TBCK: variants seen among roughly 807,000 people sequenced by gnomAD.
The protein encoded by TBCK is TBC1 domain containing kinase, also known as TBC domain-containing protein kinase-like protein.
In TBCK, 99 loss-of-function variants were observed where a neutral mutation model predicts 113.4. That is an observed-to-expected ratio of 0.87 (90% CI 0.74 to 1.03). The LOEUF is 1.03. Ranked by LOEUF, TBCK falls within the 50% of genes least tolerant of loss-of-function variation. The pLI is 0.00. For missense variants in TBCK, 1,045 were observed against 1,061.3 expected, an observed-to-expected ratio of 0.98 and a Z score of 0.21; for synonymous variants, 369 against 370.8, an observed-to-expected ratio of 1.00 and a Z score of 0.05.
At chr4:106,091,155 T>TG (rs1740179929) in intron 25 of TBCK, among the ~76,000 whole-genome samples, 1 of 152,212 alleles carries the variant, frequency 6.6e-6, no homozygotes, top group Admixed American at 6.5e-5. Flanking sequence ...ACAGAAAGCA[T>TG]GGTGCTGACA....
At chr4:106,230,518 C>T (rs1758744956) in intron 18 of TBCK, 72 bp from the exon 19 acceptor site, 1 of 768,688 alleles carries the variant, frequency 1.3e-6, no homozygotes, top group Non-Finnish European at 2.0e-6. Flanking sequence ...AATGCATTCA[C>T]TTAGCACATA....
chr4:106,076,921 A>G (rs1738259820), intron 25 of TBCK, among the ~76,000 whole-genome samples: 1 of 151,998 alleles, frequency 6.6e-6, no homozygotes, highest in African/African-American at 2.4e-5. Context: ...CTGGGAAGCA[A>G]AGAGAGACCC....
intron 19 of TBCK, among the ~76,000 whole-genome samples, chr4:106,216,386 T>TA (rs1407729299): frequency 6.6e-6 from 1 of 151,382 alleles, no homozygotes; most frequent in Non-Finnish European, 1.5e-5. Flanking sequence ...CTGAAGGAAA[T>TA]AGAGACACAA....
chr4:106,111,115 G>A (rs922922079), intron 24 of TBCK, among the ~76,000 whole-genome samples: 23 of 152,024 alleles, frequency 1.5e-4, no homozygotes, highest in African/African-American at 4.8e-4. Flanking sequence ...CCCCTAACGT[G>A]GCTCTCTCAA....
intron 23 of TBCK, among the ~76,000 whole-genome samples, chr4:106,166,674 T>A (rs997727880): frequency 6.6e-6 from 1 of 151,664 alleles, no homozygotes; most frequent in East Asian, 1.9e-4. Context: ...CATAGGTGCA[T>A]AAATTTTTTT....
chr4:106,248,702 T>C (rs1374315070), intron 8 of TBCK, among the ~76,000 whole-genome samples: 3 of 152,336 alleles, frequency 2.0e-5, no homozygotes, highest in East Asian at 3.9e-4. Flanking sequence ...AGACCTCACA[T>C]AGCAATTGCC....
intron 23 of TBCK, among the ~76,000 whole-genome samples, chr4:106,149,184 A>G (rs1443327784): frequency 6.6e-6 from 1 of 152,192 alleles, no homozygotes; most frequent in Non-Finnish European, 1.5e-5. Context: ...GGCTGACTCA[A>G]TCTTCTATCC....
intron 23 of TBCK, among the ~76,000 whole-genome samples, chr4:106,116,585 C>T (rs1330804410): frequency 6.6e-6 from 1 of 152,110 alleles, no homozygotes; most frequent in African/African-American, 2.4e-5. Flanking sequence ...GGAACTGGGC[C>T]ACACAGCAGG....
intron 24 of TBCK, among the ~76,000 whole-genome samples, chr4:106,115,061 T>G (rs1241795908): frequency 6.6e-6 from 1 of 152,222 alleles, no homozygotes; most frequent in Non-Finnish European, 1.5e-5. Context: ...GCTCTCCAAT[T>G]GTACTGTCAG....
At chr4:106,256,368 C>T (rs1470933753) in intron 5 of TBCK, among the ~76,000 whole-genome samples, 1 of 152,196 alleles carries the variant, frequency 6.6e-6, no homozygotes, top group East Asian at 1.9e-4. Flanking sequence ...CTTCAGACTC[C>T]CTCCCTTGCT....
intron 15 of TBCK, 48 bp downstream of exon 15, chr4:106,235,221 C>T (rs1332877764): frequency 1.9e-5 from 25 of 1,294,674 alleles, no homozygotes; most frequent in Non-Finnish European, 2.7e-5. Context: ...CTTCTCCATC[C>T]TTTCTTTGCA....
intron 2 of TBCK, among the ~76,000 whole-genome samples, chr4:106,301,926 TC>T (rs2125872178): frequency 6.6e-6 from 1 of 152,316 alleles, no homozygotes; most frequent in South Asian, 2.1e-4. Flanking sequence ...AGAAATACTT[TC>T]ACTAAGGAGA....
intron 5 of TBCK, 142 bp downstream of exon 5, chr4:106,260,295 T>C (rs1402535681): frequency 7.9e-6 from 3 of 379,554 alleles, no homozygotes; most frequent in African/African-American, 2.1e-5. Flanking sequence ...TTTAAAAGTA[T>C]ATGGAAAATT....
chr4:106,151,506 C>T (rs555841114), intron 23 of TBCK, among the ~76,000 whole-genome samples: 1 of 152,076 alleles, frequency 6.6e-6, no homozygotes, highest in Non-Finnish European at 1.5e-5. Flanking sequence ...AAATAATGTC[C>T]TCCAGTTCCA....
At chr4:106,200,313 G>A (rs1219307664) in intron 20 of TBCK, among the ~76,000 whole-genome samples, 1 of 152,192 alleles carries the variant, frequency 6.6e-6, no homozygotes, top group Non-Finnish European at 1.5e-5. Flanking sequence ...GGCCAAAGCG[G>A]GAGGACTGCT....
At chr4:106,058,159 C>A (rs1240243994) in intron 25 of TBCK, among the ~76,000 whole-genome samples, 1 of 151,672 alleles carries the variant, frequency 6.6e-6, no homozygotes, top group Admixed American at 6.6e-5. Flanking sequence ...CAACATAGTC[C>A]CTCTCCTTAA....
chr4:106,152,650 G>T (rs1748632268), intron 23 of TBCK, among the ~76,000 whole-genome samples: 1 of 152,056 alleles, frequency 6.6e-6, no homozygotes, highest in South Asian at 2.1e-4. Context: ...AGTCTGAATA[G>T]AATTGGTACA....
chr4:106,264,778 TTTC>T (rs1320527947), intron 3 of TBCK, among the ~76,000 whole-genome samples: 2 of 151,964 alleles, frequency 1.3e-5, no homozygotes, highest in Non-Finnish European at 2.9e-5. Flanking sequence ...TATTTTTAAA[TTTC>T]TTTTTTGTTT....
intron 12 of TBCK, among the ~76,000 whole-genome samples, chr4:106,240,196 A>T (rs1208305085): frequency 6.6e-6 from 1 of 152,072 alleles, no homozygotes; most frequent in Admixed American, 6.6e-5. Flanking sequence ...TCATAACAAA[A>T]CTTATAACTA....
Sources: allele counts gnomAD v4.1 joint callset (sites outside exome capture counted in the v4.1 genomes callset), GRCh38; gene constraint gnomAD v4.1.1; transcripts MANE v1.5; gene names NCBI Gene and HGNC (gene_info 2026-07-23, HGNC 2026-07-21).